TRIOBP: variants seen among roughly 807,000 people sequenced by gnomAD.
The protein encoded by TRIOBP is TRIO and F-actin-binding protein.
Under a neutral mutation model 238.8 loss-of-function variants are expected in TRIOBP, and 169 were observed. The ratio of observed to expected loss-of-function variants is 0.71; its 90% confidence interval spans 0.62 to 0.80. TRIOBP has a LOEUF of 0.80. Ranked by LOEUF, TRIOBP falls within the 30% of genes least tolerant of loss-of-function variation. The probability of loss-of-function intolerance (pLI) is 0.00; values close to 1 mark genes in which losing one functional copy is unlikely to be tolerated. For missense variants in TRIOBP, 2,838 were observed against 3,122.6 expected, an observed-to-expected ratio of 0.91 and a Z score of 2.17; for synonymous variants, 1,150 against 1,274.4, an observed-to-expected ratio of 0.90 and a Z score of 2.08.
chr22:37,747,212 C>T (rs1925328289), intron 11 of TRIOBP, among the ~76,000 whole-genome samples: 1 of 152,210 alleles, frequency 6.6e-6, no homozygotes, highest in African/African-American at 2.4e-5. Context: ...GGGAGGGGCG[C>T]TGGTGAGTTG....
rs1213393082 is a variant in TRIOBP, at chr22:37,775,248, AG to A, written c.*1469del. ...TTGAAAGATGACTCTTCCAGATGGA[AG>A]AATCAGGAAGGGCCTTCCCACGTGG... On this transcript the variant is annotated 3_prime_UTR_variant, in exon 24 of 24. Transcript: ENST00000644935. The A allele has an allele frequency of 6.6e-6, 1 of 152,190 alleles. No homozygotes were observed. Among genetic ancestry groups the A allele is most frequent in the East Asian group, 1.9e-4 (1 of 5,180 alleles). The allele number at this position is 152,190 out of a possible 1,614,324, so 9.4% of individuals were successfully genotyped here. A position where few individuals can be genotyped will look rare whatever the true frequency, so the allele number is the denominator to read the frequency against.
At chr22:37,749,964 A>G (rs982459325) in intron 11 of TRIOBP, among the ~76,000 whole-genome samples, 1 of 151,862 alleles carries the variant, frequency 6.6e-6, no homozygotes, top group African/African-American at 2.4e-5. Flanking sequence ...AACAAAACAA[A>G]ACTCAAATTG....
At chr22:37,773,712 C>T (rs540887590) in intron 23 of TRIOBP, 71 bp from the exon 24 acceptor site, 13 of 152,650 alleles carry the variant, frequency 8.5e-5, no homozygotes, top group African/African-American at 3.1e-4. Flanking sequence ...ACTCAGCACC[C>T]TTGCTTGGCC....
At chr22:37,741,098 G>A (rs1924914237) in intron 11 of TRIOBP, 66 bp downstream of exon 11, 3 of 1,535,478 alleles carry the variant, frequency 2.0e-6, no homozygotes, top group Non-Finnish European at 2.6e-6. Context: ...GAGGGAGGAG[G>A]GGGCTGTTAA....
At position 37,725,173 on chromosome 22, in the gene TRIOBP, A is replaced by G; in HGVS notation, c.2617A>G (p.Thr873Ala). Reference sequence around the variant, plus strand: ...TGGAACCTCCTCATCTCAATGCTGCACCCAAAAGGAGAATCTGAGACCATC... The same window carrying G: ...TGGAACCTCCTCATCTCAATGCTGCGCCCAAAAGGAGAATCTGAGACCATC... Reference protein sequence around the residue: ...NPGTSSSQCCTQKENLRPSSP... With the variant: ...NPGTSSSQCCAQKENLRPSSP... Residue 873 changes from threonine (T) to alanine (A), a missense_variant, in exon 7 of 24, where the codon ACC becomes GCC. Physicochemically the swap from Thr to Ala is moderately conservative, Grantham distance 58. Around this residue, in one of 5 missense-constraint regions of TRIOBP, gnomAD observed 2,096 missense variants for 2,137.4 expected, o/e 0.98. Transcript: ENST00000644935. 6.2e-7 allele frequency: 1 copy of G among 1,614,012 alleles called. No individual in the cohort carries two copies. Among genetic ancestry groups the G allele is most frequent in the Non-Finnish European group, 8.5e-7 (1 of 1,179,962 alleles).
At chr22:37,707,045 A>G (rs1922981507) in intron 3 of TRIOBP, among the ~76,000 whole-genome samples, 2 of 152,158 alleles carry the variant, frequency 1.3e-5, no homozygotes, top group Non-Finnish European at 2.9e-5. Context: ...AGGCGGGTGG[A>G]TCACTTGAGG....
chr22:37,743,801 A>ATGTG (rs71195050), intron 11 of TRIOBP, among the ~76,000 whole-genome samples: 9,882 of 113,990 alleles, frequency 0.087, 547 homozygotes, highest in Admixed American at 0.12. Flanking sequence ...GAGAGAGAGA[A>ATGTG]TGTGTGTGTG....
At chr22:37,714,186 C>T (rs748241122) in intron 5 of TRIOBP, among the ~76,000 whole-genome samples, 5 of 152,114 alleles carry the variant, frequency 3.3e-5, no homozygotes, top group Non-Finnish European at 5.9e-5. Context: ...GGATTTGAAC[C>T]CACTTTTCTC....
At position 37,723,574 on chromosome 22, in the gene TRIOBP, C is replaced by G; in HGVS notation, c.1018C>G (p.Pro340Ala). The G allele has an allele frequency of 1.2e-6, 2 of 1,614,098 alleles. No homozygotes were observed. The highest frequency in any genetic ancestry group is 1.7e-6 in the Non-Finnish European group (2 of 1,180,014). Reference protein sequence around the residue: ...PRASSTQWNTPRASSPSRSTQ... With the variant: ...PRASSTQWNTARASSPSRSTQ... ...GGCCTCATCTACACAGTGGAACACC[C>G]CCAGAGCTTCCTCTCCCTCACGAAG... The change falls in exon 7 of 24, where the codon CCC becomes GCC. Residue 340 changes from proline to alanine, a missense_variant. This residue lies in a region of TRIOBP where 535 missense variants were observed against 537.3 expected (regional missense o/e 1.00). Coordinates refer to ENST00000644935, the MANE Select transcript of TRIOBP (RefSeq NM_001039141.3).
intron 3 of TRIOBP, among the ~76,000 whole-genome samples, chr22:37,707,539 C>T (rs1480028515): frequency 6.6e-6 from 1 of 151,986 alleles, no homozygotes; most frequent in Admixed American, 6.6e-5. Flanking sequence ...TCTCCAGGGA[C>T]CAAATTTAGC....
intron 12 of TRIOBP, among the ~76,000 whole-genome samples, chr22:37,754,468 C>T (rs1266087881): frequency 2.0e-5 from 3 of 150,490 alleles, no homozygotes; most frequent in Non-Finnish European, 4.4e-5. Flanking sequence ...CTCACTCCTA[C>T]TCCAGGGCTC....
At position 37,726,293 on chromosome 22, in the gene TRIOBP, C is replaced by T. The variant is rs552077328; in HGVS notation, c.3737C>T (p.Pro1246Leu). 8.7e-6 allele frequency: 14 copies of T among 1,613,012 alleles called. No homozygotes were observed. The highest frequency in any genetic ancestry group is 6.7e-5 in the African/African-American group (5 of 75,070). Residue 1246 changes from proline to leucine, a missense_variant, in exon 7 of 24, where the codon CCG (proline) becomes CTG (leucine). Pro to Leu is a moderately conservative substitution (Grantham distance 98). This residue lies in a region of TRIOBP where 2,096 missense variants were observed against 2,137.4 expected (regional missense o/e 0.98). Coordinates refer to ENST00000644935, the MANE Select transcript of TRIOBP (RefSeq NM_001039141.3). The stretch of plus-strand genomic sequence containing the variant: ...GCGTTCCTGGCACCCTCACCTTCAC[C>T]GGGCAGCTCTGGGGGCTCCCGGGGC... ...DLAFLAPSPS[P>L]GSSGGSRGSA... is the part of the protein sequence containing the mutation.
chr22:37,762,633 G>A (rs538261388), intron 17 of TRIOBP, among the ~76,000 whole-genome samples: 1 of 152,332 alleles, frequency 6.6e-6, no homozygotes, highest in African/African-American at 2.4e-5. Flanking sequence ...GCAGGTGGGA[G>A]GGGAGAAGGG....
At position 37,723,031 on chromosome 22, in the gene TRIOBP, A is replaced by G. The variant is rs552055743; in HGVS notation, c.629-154A>G. ...AGCCCTTGTCTAATCAGCCTTGGTC[A>G]GAGAGGTGGAGTCACTTGGTACAGA... On this transcript the variant is annotated intron_variant, in intron 6 of 23. Transcript: ENST00000644935. Among the ~76,000 whole-genome samples, 14 of 152,346 alleles carry G rather than the reference A, an allele frequency of 9.2e-5. No homozygotes were observed. In the East Asian group the frequency reaches 2.5e-3, roughly 27 times the overall value.
rs1456299292 is a variant in TRIOBP at position 37,757,925 on chromosome 22, G to T, written c.6000G>T (p.Val2000=). The part of the protein sequence containing the change: ...FEATDSRTPE[V]PAGEGPRRGL... ...CCACAGACAGCAGGACCCCAGAGGT[G>T]CCTGCTGGTGAGGGGCCGCGCCGGG... is the stretch of plus-strand genomic sequence containing the variant. The change falls in exon 16 of 24, where the codon GTG becomes GTT. Residue 2000 remains valine, a synonymous_variant. Coordinates refer to ENST00000644935, the MANE Select transcript of TRIOBP (RefSeq NM_001039141.3). 2.6e-6 allele frequency: 4 copies of T among 1,554,808 alleles called. No homozygotes were observed. The highest frequency in any genetic ancestry group is 3.5e-6 in the Non-Finnish European group (4 of 1,149,654).
At chr22:37,748,722 G>A (rs994712525) in intron 11 of TRIOBP, among the ~76,000 whole-genome samples, 2 of 152,162 alleles carry the variant, frequency 1.3e-5, no homozygotes, top group African/African-American at 2.4e-5. Flanking sequence ...AGATAGTCAC[G>A]GATGCAACAG....
Position 37,755,200 on chromosome 22 carries a change from T to C in TRIOBP, c.5577+10T>C. On this transcript the variant is annotated intron_variant, in intron 14 of 23. Coordinates refer to ENST00000644935, the MANE Select transcript of TRIOBP (RefSeq NM_001039141.3). ...TGGCTTCCAGATCCACGTGAGGCTGTGTGCAGCTTGGGGGCTGGTGGTGGG... is the reference window on the plus strand; with the variant it reads ...TGGCTTCCAGATCCACGTGAGGCTGCGTGCAGCTTGGGGGCTGGTGGTGGG... The C allele has an allele frequency of 1.2e-6, 2 of 1,608,540 alleles. 1 individual carries two copies. Among genetic ancestry groups the C allele is most frequent in the Middle Eastern group, 3.3e-4 (2 of 6,058 alleles).
chr22:37,756,395 C>T (rs1601657813), intron 15 of TRIOBP, among the ~76,000 whole-genome samples: 2 of 152,310 alleles, frequency 1.3e-5, no homozygotes, highest in South Asian at 4.1e-4. Context: ...AGACTGGCCA[C>T]ACCGCGGCTA....
chr22:37,733,863 G>T (rs958089320), intron 8 of TRIOBP, among the ~76,000 whole-genome samples: 1 of 152,072 alleles, frequency 6.6e-6, no homozygotes, highest in African/African-American at 2.4e-5. Flanking sequence ...TAGAGACAGG[G>T]TTTCACCATG....
Sources: allele counts gnomAD v4.1 joint callset (sites outside exome capture counted in the v4.1 genomes callset), GRCh38; gene constraint gnomAD v4.1.1; regional missense constraint gnomAD v4.1.1; transcripts MANE v1.5; gene names NCBI Gene and HGNC (gene_info 2026-07-23, HGNC 2026-07-21).